DIAPH2: variants seen among roughly 807,000 people sequenced by gnomAD.
DIAPH2 encodes protein diaphanous homolog 2.
In DIAPH2, 35 loss-of-function variants were observed where a neutral mutation model predicts 92.7. That is an observed-to-expected ratio of 0.38 (90% CI 0.29 to 0.50). DIAPH2 has a LOEUF of 0.50. Among genes scored for constraint, DIAPH2 ranks in the 20% least tolerant of loss-of-function variants. DIAPH2 has a pLI of 0.94. For synonymous variants in DIAPH2, 301 were observed against 280.4 expected, an observed-to-expected ratio of 1.07 and a Z score of -0.73; for missense variants, 701 against 819.5, an observed-to-expected ratio of 0.86 and a Z score of 1.77.
chrX:97,020,793 G>T (rs1261014902), intron 17 of DIAPH2, among the ~76,000 whole-genome samples: 1 of 111,803 alleles, frequency 8.9e-6, no homozygotes. Context: ...GTTACTCAGA[G>T]TGGTACACAA....
chrX:97,092,902 AG>A (rs1390426687), intron 19 of DIAPH2, among the ~76,000 whole-genome samples: 1 of 111,462 alleles, frequency 9.0e-6, no homozygotes, highest in Non-Finnish European at 1.9e-5. Context: ...AATCTATTCT[AG>A]GCCAGGCACA....
chrX:97,330,109 GTGTA>G (rs2068987439), intron 23 of DIAPH2, among the ~76,000 whole-genome samples: 1 of 90,747 alleles, frequency 1.1e-5, no homozygotes, highest in South Asian at 5.5e-4. Flanking sequence ...GTGTGTGTGT[GTGTA>G]TGTGTGTGTA....
chrX:97,499,217 A>G (rs981505103), intron 26 of DIAPH2, among the ~76,000 whole-genome samples: 3 of 112,167 alleles, frequency 2.7e-5, no homozygotes, highest in Non-Finnish European at 5.6e-5. Flanking sequence ...ATCTTCTAGA[A>G]TATCTCCTTG....
chrX:97,533,420 AT>A (rs2071074354), intron 26 of DIAPH2: 2 of 111,299 alleles, frequency 1.8e-5, no homozygotes, highest in African/African-American at 6.5e-5. Context: ...TCCTCATACC[AT>A]TGCATACACT....
At chrX:97,588,612 A>T (rs777703115) in intron 26 of DIAPH2, among the ~76,000 whole-genome samples, 87 of 110,625 alleles carry the variant, frequency 7.9e-4, no homozygotes, top group African/African-American at 2.8e-3. Context: ...ACTTTTTAAG[A>T]CTTTAACTTT....
In DIAPH2 at chrX:96,835,273, A is replaced by G. The variant is rs1254977308; in HGVS notation, c.448-46306A>G. Among the ~76,000 whole-genome samples the G allele has an allele frequency of 2.1e-4, 24 of 112,090 alleles. 1 individual carries two copies. In the Admixed American group the frequency reaches 2.3e-3, roughly 11 times the overall value. ...AACAACAATAACAATGGTGCTTCAC[A>G]TTAATCGAATACTTATTACCTGCTG... On this transcript the variant is annotated intron_variant, in intron 4 of 26. Coordinates refer to ENST00000324765, the MANE Select transcript of DIAPH2 (RefSeq NM_006729.5).
chrX:97,299,386 G>C (rs942581595), intron 23 of DIAPH2, among the ~76,000 whole-genome samples: 1 of 111,556 alleles, frequency 9.0e-6, no homozygotes, highest in African/African-American at 3.2e-5. Context: ...AGAGTGCTTG[G>C]TAGAAAATGC....
chrX:97,302,713 G>A (rs2068717223), intron 23 of DIAPH2, among the ~76,000 whole-genome samples: 1 of 111,137 alleles, frequency 9.0e-6, no homozygotes, highest in African/African-American at 3.3e-5. Context: ...GGGCATGGTG[G>A]CTCATGTCCC....
chrX:97,579,643 C>T lies in DIAPH2; in HGVS notation c.3242-19610C>T, dbSNP rs1337321267. Reference sequence around the variant, plus strand: ...TTCTTTTGGCTTAGGATTGTCTTGGCGATGCGGGCTCTTTTTTGGTTCCAT... The same window carrying T: ...TTCTTTTGGCTTAGGATTGTCTTGGTGATGCGGGCTCTTTTTTGGTTCCAT... On this transcript the variant is annotated intron_variant, in intron 26 of 26. Transcript: ENST00000324765. Among the ~76,000 whole-genome samples, 49 of 110,440 alleles carry T rather than the reference C, an allele frequency of 4.4e-4. 2 individuals are homozygous for T. The highest frequency in any genetic ancestry group is 4.6e-3 in the Middle Eastern group (1 of 217).
chrX:97,166,394 A>C (rs760444947), intron 22 of DIAPH2, among the ~76,000 whole-genome samples: 31 of 112,059 alleles, frequency 2.8e-4, no homozygotes, highest in Admixed American at 7.6e-4. Flanking sequence ...GATGCATTAA[A>C]GATGGTGAAA....
At chrX:96,795,822 C>G (rs1324427556) in intron 4 of DIAPH2, among the ~76,000 whole-genome samples, 1 of 111,877 alleles carries the variant, frequency 8.9e-6, no homozygotes, top group African/African-American at 3.2e-5. Flanking sequence ...CCATTTTTAT[C>G]TTTATATTAA....
chrX:97,437,929 T>A (rs1435780668), intron 26 of DIAPH2, among the ~76,000 whole-genome samples: 3 of 108,763 alleles, frequency 2.8e-5, no homozygotes, highest in African/African-American at 1.0e-4. Context: ...AATTATAATA[T>A]TTAAGAGGTA....
intron 25 of DIAPH2, among the ~76,000 whole-genome samples, chrX:97,384,795 G>T (rs2069583569): frequency 1.8e-5 from 2 of 110,213 alleles, no homozygotes; most frequent in South Asian, 7.8e-4. Flanking sequence ...GAAACTGGGG[G>T]GCGGAGGCTA....
chrX:96,773,299 T>C (rs1401733375), intron 4 of DIAPH2, among the ~76,000 whole-genome samples: 1 of 83,068 alleles, frequency 1.2e-5, no homozygotes, highest in Non-Finnish European at 2.2e-5. Context: ...AGAATGTGAC[T>C]GTGTTTAGAG....
At chrX:97,105,616 G>A (rs188505347) in intron 20 of DIAPH2, among the ~76,000 whole-genome samples, 1 of 112,114 alleles carries the variant, frequency 8.9e-6, no homozygotes, top group East Asian at 2.8e-4. Flanking sequence ...CAGCTCAGCT[G>A]TTCTCAAACC....
intron 17 of DIAPH2, among the ~76,000 whole-genome samples, chrX:97,049,990 A>G (rs895729635): frequency 2.7e-5 from 3 of 111,125 alleles, no homozygotes; most frequent in South Asian, 7.5e-4. Flanking sequence ...CCTATCTCCA[A>G]ACTATTAGAC....
chrX:97,323,384 G>A (rs1176238654), intron 23 of DIAPH2, among the ~76,000 whole-genome samples: 1 of 101,626 alleles, frequency 9.8e-6, no homozygotes, highest in Non-Finnish European at 2.0e-5. Flanking sequence ...GAGGTCAGGA[G>A]ATCGAGACCA....
rs1382787752 is a variant in DIAPH2, at chrX:97,394,758, G to T, written c.3145+10714G>T. ...ATAAAAGATATTGAGATGCAAAGAG[G>T]AGGAGCTCCCATTGTAGCAATCATC... On this transcript the variant is annotated intron_variant, in intron 25 of 26. Transcript: ENST00000324765. Among the ~76,000 whole-genome samples, 3 of 112,169 alleles carry T rather than the reference G, an allele frequency of 2.7e-5. No individual in the cohort carries two copies. The Admixed American group carries it at 2.8e-4, about 11-fold the overall frequency.
intron 5 of DIAPH2, among the ~76,000 whole-genome samples, chrX:96,909,906 A>G (rs2065458712): frequency 9.0e-6 from 1 of 111,509 alleles, no homozygotes; most frequent in Admixed American, 9.6e-5. Context: ...TACACCAAGA[A>G]AGAAATAACC....
Sources: gnomAD v4.1 joint callset for allele counts (sites outside exome capture counted in the v4.1 genomes callset) on GRCh38, gnomAD v4.1.1 for gene constraint, MANE v1.5 for transcripts, NCBI Gene and HGNC (gene_info 2026-07-23, HGNC 2026-07-21) for gene names.